The following CPSF4 variants were observed in gnomAD, a reference collection of about 807,000 sequenced individuals.
CPSF4 encodes cleavage and polyadenylation specificity factor subunit 4.
Under a neutral mutation model 37.7 loss-of-function variants are expected in CPSF4, and 11 were observed. The observed-to-expected ratio is 0.29, with a 90% confidence interval of 0.18 to 0.48. The LOEUF (loss-of-function observed/expected upper bound fraction) is 0.48. CPSF4 is among the 20% of genes least tolerant of loss of function. CPSF4 has a pLI of 0.99. For missense variants in CPSF4, 144 were observed against 359.5 expected, an observed-to-expected ratio of 0.40 and a Z score of 4.85; for synonymous variants, 132 against 135.9, an observed-to-expected ratio of 0.97 and a Z score of 0.20.
At chr7:99,440,605 C>T (rs1484800878) in intron 1 of CPSF4, among the ~76,000 whole-genome samples, 1 of 145,284 alleles carries the variant, frequency 6.9e-6, no homozygotes, top group Non-Finnish European at 1.5e-5. Flanking sequence ...GATCCTTTTA[C>T]CTCGGCCTTC....
chr7:99,450,894 G>C (rs1042516665), intron 5 of CPSF4, 99 bp downstream of exon 5: 5 of 840,178 alleles, frequency 6.0e-6, no homozygotes, highest in Non-Finnish European at 9.9e-6. Flanking sequence ...GTCACTGGGT[G>C]ATGTCAGTAC....
At chr7:99,447,430 G>A (rs1326766880) in intron 2 of CPSF4, among the ~76,000 whole-genome samples, 1 of 150,662 alleles carries the variant, frequency 6.6e-6, no homozygotes, top group African/African-American at 2.4e-5. Context: ...CCGCAAGCCG[G>A]GCTAATTTTT....
In CPSF4 at chr7:99,454,107, C is replaced by T; in HGVS notation, c.712C>T (p.Arg238Trp). The T allele has an allele frequency of 6.2e-7, 1 of 1,613,966 alleles. No individual in the cohort carries two copies. Among genetic ancestry groups the T allele is most frequent in the South Asian group, 1.1e-5 (1 of 91,066 alleles). ...CAGCAGCGCGGGCAACCGGGGACCC[C>T]GGCCACTGGAGCAGGTCACCTGTTA... Reference protein sequence around the residue: ...QNSSAGNRGPRPLEQVTCYKC... With the variant: ...QNSSAGNRGPWPLEQVTCYKC... Residue 238 changes from arginine to tryptophan, a missense_variant, in exon 7 of 8, where the codon CGG becomes TGG. Around this residue, in one of 4 missense-constraint regions of CPSF4, gnomAD observed 86 missense variants for 141.5 expected, o/e 0.61. Transcript: ENST00000292476.
At chr7:99,444,917 C>A (rs1412110987) in intron 2 of CPSF4, 78 bp downstream of exon 2, 1 of 1,270,338 alleles carries the variant, frequency 7.9e-7, no homozygotes, top group East Asian at 2.3e-5. Flanking sequence ...TTGGAGGCCG[C>A]CAGGTCTCTG....
intron 5 of CPSF4, 47 bp downstream of exon 5, chr7:99,450,842 C>T: frequency 7.1e-7 from 1 of 1,404,640 alleles, no homozygotes; most frequent in Non-Finnish European, 1.0e-6. Flanking sequence ...CCGGCCCAGG[C>T]CCTGCTGCCC....
At chr7:99,439,365 C>T (rs1796670647) in intron 1 of CPSF4, 180 bp downstream of exon 1, 4 of 516,566 alleles carry the variant, frequency 7.7e-6, no homozygotes, top group Middle Eastern at 1.0e-3. Flanking sequence ...CCTCCCACCT[C>T]CTCCGGGTCC....
At chr7:99,451,334 T>C (rs1797918930) in intron 5 of CPSF4, among the ~76,000 whole-genome samples, 1 of 152,114 alleles carries the variant, frequency 6.6e-6, no homozygotes, top group Non-Finnish European at 1.5e-5. Context: ...GGGCTGGGTG[T>C]GGTGGCTCAC....
At chr7:99,456,297 G>A in intron 7 of CPSF4, 135 bp from the exon 8 acceptor site, 1 of 747,976 alleles carries the variant, frequency 1.3e-6, no homozygotes, top group Non-Finnish European at 2.3e-6. Context: ...GTACCACTGA[G>A]AATTTCAGAG....
intron 1 of CPSF4, chr7:99,441,502 C>G (rs1796981169): frequency 2.2e-6 from 1 of 456,092 alleles, no homozygotes; most frequent in Non-Finnish European, 4.4e-6. Flanking sequence ...TCAGTTAAAG[C>G]CTAGTGAGGC....
chr7:99,441,359 G>C (rs1311316107), intron 1 of CPSF4: 1 of 455,538 alleles, frequency 2.2e-6, no homozygotes, highest in East Asian at 6.9e-5. Flanking sequence ...AAGCCTGTGA[G>C]GGGAGGTACA....
intron 7 of CPSF4, among the ~76,000 whole-genome samples, chr7:99,455,471 G>A (rs1798246078): frequency 6.6e-6 from 1 of 152,186 alleles, no homozygotes; most frequent in African/African-American, 2.4e-5. Flanking sequence ...GAGGCCGAGG[G>A]GAGCAGGTCA....
At chr7:99,456,252 T>G (rs1286863552) in intron 7 of CPSF4, 180 bp from the exon 8 acceptor site, 1 of 630,968 alleles carries the variant, frequency 1.6e-6, no homozygotes, top group African/African-American at 1.8e-5. Flanking sequence ...CTTTCCATCC[T>G]GAGCTCCCTC....
chr7:99,444,622 G>A (rs1312105609), intron 1 of CPSF4, among the ~76,000 whole-genome samples, 167 bp from the exon 2 acceptor site: 1 of 152,164 alleles, frequency 6.6e-6, no homozygotes, highest in Non-Finnish European at 1.5e-5. Flanking sequence ...AACTTAAGCA[G>A]CTTCTTCCTT....
chr7:99,443,834 T>C (rs1797241901), intron 1 of CPSF4, among the ~76,000 whole-genome samples: 1 of 151,892 alleles, frequency 6.6e-6, no homozygotes, highest in South Asian at 2.1e-4. Flanking sequence ...CAGGAGAATC[T>C]CTTGAACCAA....
chr7:99,444,194 C>T (rs1374617833), intron 1 of CPSF4, among the ~76,000 whole-genome samples: 4 of 152,216 alleles, frequency 2.6e-5, no homozygotes, highest in East Asian at 1.9e-4. Context: ...TTTGGCTCAA[C>T]GCCTGTAATC....
At chr7:99,441,366 T>C in intron 1 of CPSF4, 1 of 455,526 alleles carries the variant, frequency 2.2e-6, no homozygotes, top group South Asian at 1.6e-5. Context: ...TGAGGGGAGG[T>C]ACAGTGGCGA....
At chr7:99,452,342 C>T (rs774015501) in intron 5 of CPSF4, 26 bp from the exon 6 acceptor site, 1 of 1,605,136 alleles carries the variant, frequency 6.2e-7, no homozygotes. Flanking sequence ...CTCTTGTTCT[C>T]ATCCCCTCTG....
Position 99,448,343 on chromosome 7 carries a change from G to A in CPSF4, c.307+70G>A. 1 of 1,509,972 alleles carries A rather than the reference G, an allele frequency of 6.6e-7. No individual in the cohort carries two copies. The highest frequency in any genetic ancestry group is 1.2e-5 in the South Asian group (1 of 83,032). The allele number at this position is 1,509,972 out of a possible 1,614,324, so 93.5% of individuals were successfully genotyped here. ...CAGAGGGGTCCGCTGGCTGCTCAGT[G>A]CCCACACTGTCTCTGCCTGCTTTTC... On this transcript the variant is annotated intron_variant, in intron 3 of 7. Transcript: ENST00000292476. The surrounding 1 kb of genome is among the most constrained non-coding windows in gnomAD (Gnocchi z 4.4).
chr7:99,441,324 C>T (rs1796960701), intron 1 of CPSF4: 1 of 443,502 alleles, frequency 2.3e-6, no homozygotes, highest in African/African-American at 2.0e-5. Context: ...TTTCCTCCCA[C>T]CCTTCTGCCA....
Sources: allele counts gnomAD v4.1 joint callset (sites outside exome capture counted in the v4.1 genomes callset), GRCh38; gene constraint gnomAD v4.1.1; regional missense constraint gnomAD v4.1.1; non-coding constraint Gnocchi (gnomAD v3.1); transcripts MANE v1.5; gene names NCBI Gene and HGNC (gene_info 2026-07-23, HGNC 2026-07-21).